The following ADD3 variants were observed in gnomAD, a reference collection of about 807,000 sequenced individuals.
ADD3 encodes the protein adducin 3.
In ADD3, 25 loss-of-function variants were observed where a neutral mutation model predicts 80.2. That is an observed-to-expected ratio of 0.31 (90% CI 0.23 to 0.44). The LOEUF (loss-of-function observed/expected upper bound fraction) is 0.44, where lower values mean the gene tolerates loss of function less well. Ranked by LOEUF, ADD3 falls within the 20% of genes least tolerant of loss-of-function variation. The pLI, the probability that ADD3 is intolerant of heterozygous loss-of-function variation, is 1.00. For synonymous variants in ADD3, 284 were observed against 289.6 expected (o/e 0.98, Z 0.20); for missense variants, 829 against 847.5 (o/e 0.98, Z 0.27).
At chr10:110,010,478 G>A (rs1852215208) in intron 1 of ADD3, among the ~76,000 whole-genome samples, 1 of 152,162 alleles carries the variant, frequency 6.6e-6, no homozygotes, top group Non-Finnish European at 1.5e-5. Flanking sequence ...TAACCGAGTT[G>A]TTATATGTAA....
At chr10:110,119,682 C>A in intron 8 of ADD3, 118 bp downstream of exon 8, 1 of 806,212 alleles carries the variant, frequency 1.2e-6, no homozygotes, top group Non-Finnish European at 2.0e-6. Flanking sequence ...AAGAGAAGTT[C>A]TGCTCTACTT....
rs1850427667 is a variant in ADD3 at position 110,114,342 on chromosome 10, A to C, written c.334+1427A>C. Among the ~76,000 whole-genome samples the C allele has an allele frequency of 2.0e-5, 3 of 152,254 alleles. No homozygotes were observed. In the South Asian group the frequency reaches 6.2e-4, roughly 31 times the overall value. On this transcript the variant is annotated intron_variant, in intron 3 of 14. Coordinates refer to ENST00000356080, the MANE Select transcript of ADD3 (RefSeq NM_016824.5). ...AAAACTATTCAGATTACTTCAAAAC[A>C]TCTCAAAATTAAAAGGTTTTCCATT...
intron 1 of ADD3, among the ~76,000 whole-genome samples, chr10:110,082,569 G>A (rs1846194653): frequency 6.6e-6 from 1 of 152,010 alleles, no homozygotes; most frequent in Admixed American, 6.6e-5. Context: ...AAGTCCTTAA[G>A]GGCAGGAATC....
At chr10:110,126,527 CTTTG>C (rs973878391) in intron 12 of ADD3, 24 bp downstream of exon 12, 5 of 1,525,322 alleles carry the variant, frequency 3.3e-6, no homozygotes, top group Admixed American at 3.5e-5. Context: ...GTAGTATGAT[CTTTG>C]TTTTTTATTT....
At chr10:110,003,989 G>A (rs549715422), upstream of ADD3, among the ~76,000 whole-genome samples, 16 of 152,168 alleles carry the variant, frequency 1.1e-4, no homozygotes, top group South Asian at 2.3e-3. Flanking sequence ...TAAAGTATCC[G>A]TTAAGTGCCT....
chr10:110,085,130 C>G (rs1009165524), intron 1 of ADD3, among the ~76,000 whole-genome samples: 1 of 152,090 alleles, frequency 6.6e-6, no homozygotes, highest in Non-Finnish European at 1.5e-5. Context: ...TGTATACATA[C>G]ATTTTTAGAA....
At chr10:110,003,111 T>C (rs1475654495), upstream of ADD3, among the ~76,000 whole-genome samples, 2 of 152,184 alleles carry the variant, frequency 1.3e-5, no homozygotes, top group African/African-American at 4.8e-5. Flanking sequence ...TTATGTAGTT[T>C]GAAAAGGCTG....
chr10:110,089,181 A>C (rs138201386), intron 1 of ADD3, among the ~76,000 whole-genome samples: 39 of 152,308 alleles, frequency 2.6e-4, no homozygotes, highest in African/African-American at 7.5e-4. Flanking sequence ...TAAAAATAAA[A>C]AAAAAGCTTT....
intron 1 of ADD3, among the ~76,000 whole-genome samples, chr10:110,096,949 C>G (rs1421463790): frequency 6.6e-6 from 1 of 152,136 alleles, no homozygotes; most frequent in Non-Finnish European, 1.5e-5. Flanking sequence ...TGAATACAAG[C>G]AACCCAGATT....
intron 1 of ADD3, among the ~76,000 whole-genome samples, chr10:110,018,182 G>A (rs545172543): frequency 2.0e-5 from 3 of 152,250 alleles, no homozygotes; most frequent in African/African-American, 7.2e-5. Flanking sequence ...TGTGATGAAT[G>A]CCAGATGACA....
In ADD3 at chr10:110,055,934, A is replaced by G. The variant is rs144667171; in HGVS notation, c.-29-44691A>G. On this transcript the variant is annotated intron_variant, in intron 1 of 14. Coordinates refer to ENST00000356080, the MANE Select transcript of ADD3 (RefSeq NM_016824.5). ...ACAAATTTTCTCAATGGAATAAGAC[A>G]GTAACGGTCAAATGAAACATAAATC... is the stretch of plus-strand genomic sequence containing the variant. Among the ~76,000 whole-genome samples the G allele has an allele frequency of 1.4e-3, 214 of 152,360 alleles. 4 individuals carry two copies. The highest frequency in any genetic ancestry group is 4.9e-3 in the African/African-American group (204 of 41,594).
chr10:110,072,782 A>G (rs1844888207), intron 1 of ADD3, among the ~76,000 whole-genome samples: 1 of 152,228 alleles, frequency 6.6e-6, no homozygotes, highest in South Asian at 2.1e-4. Context: ...TGGGAGAACA[A>G]AAGCTCTGAG....
At chr10:110,079,453 AGAGAGAGAGTGTGTGTGT>A (rs1267511925) in intron 1 of ADD3, among the ~76,000 whole-genome samples, 8 of 132,908 alleles carry the variant, frequency 6.0e-5, no homozygotes, top group East Asian at 4.3e-4. Flanking sequence ...AGAGAGAGAG[AGAGAGAGAGTGTGTGTGT>A]GTGTGTGTGT....
chr10:110,108,759 G>T (rs1849662655), intron 2 of ADD3, among the ~76,000 whole-genome samples: 1 of 152,080 alleles, frequency 6.6e-6, no homozygotes, highest in Non-Finnish European at 1.5e-5. Context: ...ATGTAAAAAT[G>T]AGTAATAAAT....
chr10:110,044,154 A>T (rs1282814952), intron 1 of ADD3, among the ~76,000 whole-genome samples: 2 of 152,178 alleles, frequency 1.3e-5, no homozygotes, highest in Admixed American at 6.5e-5. Flanking sequence ...GTGAGCCAAG[A>T]TCATGCCCCT....
At chr10:110,001,004 C>G (rs1407606884), upstream of ADD3, among the ~76,000 whole-genome samples, 2 of 152,158 alleles carry the variant, frequency 1.3e-5, no homozygotes, top group East Asian at 3.8e-4. Context: ...TTTTTGAACA[C>G]AGAGTGAGAG....
intron 1 of ADD3, among the ~76,000 whole-genome samples, chr10:110,075,344 T>G (rs1845267673): frequency 3.9e-5 from 6 of 152,158 alleles, no homozygotes; most frequent in Admixed American, 3.9e-4. Flanking sequence ...GTTTTTTGTT[T>G]TTTTTTTAAA....
At chr10:110,132,463 T>G in intron 14 of ADD3, 63 bp downstream of exon 14, 1 of 1,177,076 alleles carries the variant, frequency 8.5e-7, no homozygotes, top group East Asian at 2.4e-5. Context: ...CCCTCTGTGT[T>G]TTGTTTTCAC....
At chr10:110,009,218 A>C (rs1301533764) in intron 1 of ADD3, among the ~76,000 whole-genome samples, 3 of 152,126 alleles carry the variant, frequency 2.0e-5, no homozygotes, top group African/African-American at 7.2e-5. Context: ...TTGAGGGAGG[A>C]TTATATGCAA....
Sources: allele counts gnomAD v4.1 joint callset (sites outside exome capture counted in the v4.1 genomes callset), GRCh38; gene constraint gnomAD v4.1.1; transcripts MANE v1.5; gene names NCBI Gene and HGNC (gene_info 2026-07-23, HGNC 2026-07-21).